The following FNDC3A variants were observed in gnomAD, a reference collection of about 807,000 sequenced individuals.
The protein encoded by FNDC3A is fibronectin type III domain containing 3A.
In FNDC3A, 32 loss-of-function variants were observed where a neutral mutation model predicts 148.9. The ratio of observed to expected loss-of-function variants is 0.21; its 90% confidence interval spans 0.16 to 0.29. The LOEUF is 0.29. FNDC3A is among the 10% of genes least tolerant of loss of function. The pLI is 1.00. For missense variants in FNDC3A, 1,191 were observed against 1,452.8 expected (o/e 0.82, Z 2.93); for synonymous variants, 472 against 473.6 (o/e 1.00, Z 0.04).
chr13:49,103,654 A>G (rs1785332321), intron 3 of FNDC3A, among the ~76,000 whole-genome samples: 1 of 152,246 alleles, frequency 6.6e-6, no homozygotes, highest in African/African-American at 2.4e-5. Flanking sequence ...GCAATGGAGT[A>G]GAAGAGAACA....
rs1184089044 is a variant in FNDC3A, at chr13:49,207,470, TA to T, written c.*81del. The T allele has an allele frequency of 1.0e-6, 1 of 990,994 alleles. No homozygotes were observed. The highest frequency in any genetic ancestry group is 1.5e-6 in the Non-Finnish European group (1 of 674,760). The allele number at this position is 990,994 out of a possible 1,614,324, so 61.4% of individuals were successfully genotyped here. A position where few individuals can be genotyped will look rare whatever the true frequency, so the allele number is the denominator to read the frequency against. On this transcript the variant is annotated 3_prime_UTR_variant, in exon 26 of 26. Coordinates refer to ENST00000492622, the MANE Select transcript of FNDC3A (RefSeq NM_001079673.2). The stretch of plus-strand genomic sequence containing the variant: ...TAAAATTATTTCTGTATTGCTTTTA[TA>T]AAAAACAGTGGCATTTAGCACTGGC...
intron 10 of FNDC3A, among the ~76,000 whole-genome samples, chr13:49,170,171 C>T (rs1452377781): frequency 1.3e-5 from 2 of 152,044 alleles, no homozygotes; most frequent in Non-Finnish European, 2.9e-5. Context: ...TATACACACA[C>T]AGTAATCAAC....
rs74758150 is a variant in FNDC3A at position 48,997,286 on chromosome 13, A to G, written c.-39-8866A>G. Among the ~76,000 whole-genome samples the G allele has an allele frequency of 4.8e-3, 726 of 152,342 alleles. 10 individuals are homozygous for G. Among genetic ancestry groups the G allele is most frequent in the African/African-American group, 0.016 (683 of 41,584 alleles). ...TAGGTCTAAGCTGTTGTCATCATATAGATAACAAATCTGGGTGGAATTAAC... is the reference window on the plus strand; with the variant it reads ...TAGGTCTAAGCTGTTGTCATCATATGGATAACAAATCTGGGTGGAATTAAC... On this transcript the variant is annotated intron_variant, in intron 1 of 25. Transcript: ENST00000492622.
At chr13:49,067,760 T>C (rs779116875) in intron 2 of FNDC3A, among the ~76,000 whole-genome samples, 2 of 152,204 alleles carry the variant, frequency 1.3e-5, no homozygotes, top group Non-Finnish European at 2.9e-5. Flanking sequence ...AATTGTAATA[T>C]CTACAGAAAG....
chr13:49,158,808 G>A (rs1262758585), intron 8 of FNDC3A, among the ~76,000 whole-genome samples: 2 of 152,156 alleles, frequency 1.3e-5, no homozygotes, highest in African/African-American at 4.8e-5. Flanking sequence ...AAGGTGTAAG[G>A]AAGGGATCCA....
chr13:49,019,850 T>C (rs943737764), intron 2 of FNDC3A, among the ~76,000 whole-genome samples: 5 of 152,240 alleles, frequency 3.3e-5, no homozygotes, highest in Admixed American at 1.3e-4. Flanking sequence ...CTGTGGAGTT[T>C]ACCCTTTTGT....
intron 1 of FNDC3A, among the ~76,000 whole-genome samples, chr13:48,981,684 C>CT (rs1951696886): frequency 6.6e-6 from 1 of 152,054 alleles, no homozygotes; most frequent in Non-Finnish European, 1.5e-5. Flanking sequence ...TTCCATATCT[C>CT]TTTCTCCTTC....
chr13:49,202,730 C>T (rs1222827890), intron 24 of FNDC3A, among the ~76,000 whole-genome samples: 1 of 152,204 alleles, frequency 6.6e-6, no homozygotes, highest in East Asian at 1.9e-4. Flanking sequence ...AAGCAGGGCA[C>T]AGTGGCTCAC....
intron 2 of FNDC3A, among the ~76,000 whole-genome samples, chr13:49,050,174 C>T (rs528285745): frequency 7.1e-4 from 108 of 152,048 alleles, no homozygotes; most frequent in African/African-American, 2.5e-3. Flanking sequence ...TTCTTTTCTT[C>T]TGAGTTTGGA....
chr13:49,024,373 C>T (rs1873546106), intron 2 of FNDC3A, among the ~76,000 whole-genome samples: 1 of 151,808 alleles, frequency 6.6e-6, no homozygotes, highest in African/African-American at 2.4e-5. Flanking sequence ...TAACCATTTC[C>T]ATGAGGCAAA....
chr13:49,058,540 A>G (rs1876426195), intron 2 of FNDC3A, among the ~76,000 whole-genome samples: 1 of 152,132 alleles, frequency 6.6e-6, no homozygotes, highest in African/African-American at 2.4e-5. Context: ...ATTTGGACAC[A>G]CAAAGGGACA....
At position 49,128,970 on chromosome 13, in the gene FNDC3A, C is replaced by G. The variant is rs183194437; in HGVS notation, c.253-2167C>G. Among the ~76,000 whole-genome samples, 366 of 152,368 alleles carry G rather than the reference C, an allele frequency of 2.4e-3. 1 individual carries two copies. Among genetic ancestry groups the G allele is most frequent in the African/African-American group, 8.4e-3 (351 of 41,596 alleles). ...TCTGTAACCTGCTCCTTTCTCACAACACTTCTAATAGCCCTTACCTGCTAT... is the reference window on the plus strand; with the variant it reads ...TCTGTAACCTGCTCCTTTCTCACAAGACTTCTAATAGCCCTTACCTGCTAT... On this transcript the variant is annotated intron_variant, in intron 4 of 25. Transcript: ENST00000492622.
intron 2 of FNDC3A, among the ~76,000 whole-genome samples, chr13:49,038,006 G>T (rs1874628105): frequency 6.6e-6 from 1 of 152,172 alleles, no homozygotes; most frequent in Admixed American, 6.5e-5. Context: ...GGTAGAAGTG[G>T]CTCTCAGCAG....
intron 2 of FNDC3A, among the ~76,000 whole-genome samples, chr13:49,062,012 G>A (rs572684282): frequency 6.6e-6 from 1 of 151,686 alleles, no homozygotes; most frequent in South Asian, 2.1e-4. Flanking sequence ...AGTAATAATT[G>A]ATTTAGTAAT....
chr13:49,013,537 C>A (rs528989465), intron 2 of FNDC3A, among the ~76,000 whole-genome samples: 1 of 150,580 alleles, frequency 6.6e-6, no homozygotes, highest in Non-Finnish European at 1.5e-5. Flanking sequence ...CATGTATATA[C>A]GTGTACATGT....
chr13:49,099,153 T>C (rs896847932), intron 3 of FNDC3A, among the ~76,000 whole-genome samples: 2 of 152,188 alleles, frequency 1.3e-5, no homozygotes, highest in African/African-American at 4.8e-5. Flanking sequence ...GGATTTATCA[T>C]TTTTAAAACA....
chr13:49,046,836 T>C (rs1010284732), intron 2 of FNDC3A: 3 of 145,416 alleles, frequency 2.1e-5, no homozygotes, highest in African/African-American at 5.1e-5. Flanking sequence ...GAAAGTCTCT[T>C]TTTAAAAAGT....
chr13:49,082,849 T>G (rs1395157281), intron 3 of FNDC3A, among the ~76,000 whole-genome samples: 1 of 152,048 alleles, frequency 6.6e-6, no homozygotes, highest in Non-Finnish European at 1.5e-5. Context: ...GTGTGGCATG[T>G]AAGAACTTGA....
At chr13:49,138,964 ATCTT>A (rs1291006447) in intron 7 of FNDC3A, among the ~76,000 whole-genome samples, 159 bp downstream of exon 7, 1 of 152,146 alleles carries the variant, frequency 6.6e-6, no homozygotes, top group Non-Finnish European at 1.5e-5. Flanking sequence ...TGCTTTAGCT[ATCTT>A]TCTATGTCAT....
Sources: gnomAD v4.1 joint callset for allele counts (sites outside exome capture counted in the v4.1 genomes callset) on GRCh38, gnomAD v4.1.1 for gene constraint, MANE v1.5 for transcripts, NCBI Gene and HGNC (gene_info 2026-07-23, HGNC 2026-07-21) for gene names.